Variants in CNTLN observed in about 807,000 individuals in gnomAD.
The protein encoded by CNTLN is centlein, centrosomal protein.
Under a neutral mutation model 180.0 loss-of-function variants are expected in CNTLN, and 212 were observed. The observed-to-expected ratio is 1.18, with a 90% CI of 1.05 to 1.32. The LOEUF (loss-of-function observed/expected upper bound fraction) is 1.32. CNTLN is among the 40% of genes most tolerant of loss of function. CNTLN has a pLI of 0.00. For synonymous variants in CNTLN, 722 were observed against 563.1 expected, an observed-to-expected ratio of 1.28 and a Z score of -3.99; for missense variants, 2,095 against 1,610.9, an observed-to-expected ratio of 1.30 and a Z score of -5.14.
At chr9:17,297,355 A>T (rs1263450254) in intron 6 of CNTLN, among the ~76,000 whole-genome samples, 1 of 152,186 alleles carries the variant, frequency 6.6e-6, no homozygotes. Context: ...CCATTCTCCC[A>T]TAGATAATAA....
intron 23 of CNTLN, among the ~76,000 whole-genome samples, chr9:17,470,266 CTG>C (rs1365169341): frequency 6.6e-6 from 1 of 151,822 alleles, no homozygotes; most frequent in Admixed American, 6.6e-5. Context: ...ATGGAAAACT[CTG>C]TGAACAGTGA....
rs375329129 is a variant in CNTLN at position 17,347,328 on chromosome 9, C to T, written c.1886+4884C>T. 7.2e-5 allele frequency among the ~76,000 whole-genome samples: 11 copies of T among 152,102 alleles called. No individual in the cohort carries two copies. In the East Asian group the frequency reaches 1.2e-3, roughly 16 times the overall value. On this transcript the variant is annotated intron_variant, in intron 12 of 25. Coordinates refer to ENST00000380647, the MANE Select transcript of CNTLN (RefSeq NM_017738.4). ...GGACTACAGATGTTTCTCAACCTAC[C>T]TTGGGTTATGTCCGGATAAATCCAT...
Position 17,135,425 on chromosome 9 carries a change from G to A in CNTLN, c.360G>A (p.Gln120=). The change falls in exon 1 of 26, where the codon CAG becomes CAA. Residue 120 remains glutamine (Q), a splice_region_variant and synonymous_variant. Transcript: ENST00000380647. The stretch of plus-strand genomic sequence containing the variant: ...TAAAGGAGGAGTTGGCCCTGTGTCA[G>A]GTATCGAGGAGTCTCGCAGTCCCCC... The part of the protein sequence containing the change: ...SSLKEELALC[Q]ADKEFVWSLW... The A allele has an allele frequency of 6.3e-7, 1 of 1,594,306 alleles. No homozygotes were observed. The highest frequency in any genetic ancestry group is 8.5e-7 in the Non-Finnish European group (1 of 1,171,838).
At chr9:17,478,471 C>A (rs956925999) in intron 23 of CNTLN, among the ~76,000 whole-genome samples, 2 of 151,732 alleles carry the variant, frequency 1.3e-5, no homozygotes, top group Non-Finnish European at 2.9e-5. Flanking sequence ...CTAAAAAAAT[C>A]ATTGTCCAGA....
intron 2 of CNTLN, among the ~76,000 whole-genome samples, chr9:17,172,015 G>A (rs1766505850): frequency 6.6e-6 from 1 of 152,134 alleles, no homozygotes; most frequent in Admixed American, 6.5e-5. Context: ...TTGAGGCATG[G>A]ATACTCATGG....
At chr9:17,207,877 G>T (rs1823036711) in intron 2 of CNTLN, among the ~76,000 whole-genome samples, 1 of 151,906 alleles carries the variant, frequency 6.6e-6, no homozygotes, top group Admixed American at 6.6e-5. Flanking sequence ...GAGTCTTTAG[G>T]TTTTTCCAAA....
chr9:17,263,343 T>C (rs1380174186), intron 5 of CNTLN, among the ~76,000 whole-genome samples: 1 of 150,878 alleles, frequency 6.6e-6, no homozygotes, highest in African/African-American at 2.5e-5. Context: ...GTTTCCACTT[T>C]CATCCATGTC....
chr9:17,387,241 C>T (rs1825749906), intron 13 of CNTLN, among the ~76,000 whole-genome samples: 1 of 152,030 alleles, frequency 6.6e-6, no homozygotes. Context: ...TTACACTGAC[C>T]TACAGCAGCC....
chr9:17,458,874 C>T (rs10810790), intron 19 of CNTLN, among the ~76,000 whole-genome samples: 112,809 of 151,538 alleles, frequency 0.74, 43,381 homozygotes, highest in East Asian at 0.86. Context: ...TGTGCAATTT[C>T]GGGGCATGAA....
intron 13 of CNTLN, among the ~76,000 whole-genome samples, chr9:17,379,886 TAAG>T (rs1825087942): frequency 6.6e-6 from 1 of 152,196 alleles, no homozygotes; most frequent in African/African-American, 2.4e-5. Context: ...ATGAATACCT[TAAG>T]CCCCTACCAT....
At chr9:17,339,585 T>C (rs1239917491) in intron 10 of CNTLN, among the ~76,000 whole-genome samples, 1 of 152,244 alleles carries the variant, frequency 6.6e-6, no homozygotes, top group Non-Finnish European at 1.5e-5. Context: ...GATTACCATA[T>C]GCCTACTCAT....
At chr9:17,451,126 T>C (rs924825854) in intron 18 of CNTLN, among the ~76,000 whole-genome samples, 1 of 152,154 alleles carries the variant, frequency 6.6e-6, no homozygotes, top group Non-Finnish European at 1.5e-5. Flanking sequence ...TTTAAAAGTA[T>C]AATATTCTCA....
chr9:17,305,108 G>C (rs376018115), intron 7 of CNTLN, among the ~76,000 whole-genome samples: 1 of 152,062 alleles, frequency 6.6e-6, no homozygotes, highest in East Asian at 1.9e-4. Flanking sequence ...TCGAAAAGGC[G>C]TTCTTCAGTC....
intron 6 of CNTLN, among the ~76,000 whole-genome samples, chr9:17,295,390 C>G (rs1488929836): frequency 6.6e-6 from 1 of 152,204 alleles, no homozygotes; most frequent in Non-Finnish European, 1.5e-5. Flanking sequence ...ACTGGCACCT[C>G]TCAGTAGGTC....
chr9:17,320,300 C>T (rs1819817437), intron 8 of CNTLN, among the ~76,000 whole-genome samples: 1 of 152,048 alleles, frequency 6.6e-6, no homozygotes, highest in African/African-American at 2.4e-5. Context: ...TATTTGCAAC[C>T]TCTAGAAGAA....
At position 17,450,642 on chromosome 9, in the gene CNTLN, A is replaced by G. The variant is rs935032990; in HGVS notation, c.3115-6882A>G. On this transcript the variant is annotated intron_variant, in intron 18 of 25. Transcript: ENST00000380647. ...CTCTAAAGGCTACTGAAGTCTAACT[A>G]CTAGCAAAAGCATTGGTGAAAAGTC... 4.6e-5 allele frequency among the ~76,000 whole-genome samples: 7 copies of G among 152,188 alleles called. 1 individual carries two copies. The highest frequency in any genetic ancestry group is 1.3e-4 in the Admixed American group (2 of 15,286).
intron 12 of CNTLN, among the ~76,000 whole-genome samples, chr9:17,352,416 A>ATATTTT (rs1469636947): frequency 3.2e-5 from 1 of 31,294 alleles, no homozygotes; most frequent in African/African-American, 1.2e-4. Context: ...ATATATATAT[A>ATATTTT]TTTTTTTTTT....
At chr9:17,264,517 G>T (rs1827257234) in intron 5 of CNTLN, among the ~76,000 whole-genome samples, 1 of 149,832 alleles carries the variant, frequency 6.7e-6, no homozygotes, top group African/African-American at 2.5e-5. Flanking sequence ...GGATTGACTG[G>T]GTGATGTGGG....
At chr9:17,309,376 T>C (rs6475126) in intron 8 of CNTLN, 124 bp downstream of exon 8, 12,568 of 726,934 alleles carry the variant, frequency 0.017, 607 homozygotes, top group African/African-American at 0.12. Context: ...GTGTGCAGAT[T>C]GTTTTGCATT....
Sources: gnomAD v4.1 joint callset for allele counts (sites outside exome capture counted in the v4.1 genomes callset) on GRCh38, gnomAD v4.1.1 for gene constraint, MANE v1.5 for transcripts, NCBI Gene and HGNC (gene_info 2026-07-23, HGNC 2026-07-21) for gene names.